Variants in DCAF5 observed in about 807,000 individuals in gnomAD.
DCAF5 encodes the protein DDB1 and CUL4 associated factor 5.
In DCAF5, 9 loss-of-function variants were observed where a neutral mutation model predicts 80.7. That is an observed-to-expected ratio of 0.11 (90% confidence interval 0.07 to 0.19). The LOEUF is 0.19. Ranked by LOEUF, DCAF5 falls within the 10% of genes least tolerant of loss-of-function variation. DCAF5 has a pLI of 1.00. For synonymous variants in DCAF5, 433 were observed against 461.9 expected (o/e 0.94, Z 0.80); for missense variants, 842 against 1,205.7 (o/e 0.70, Z 4.47).
intron 7 of DCAF5, among the ~76,000 whole-genome samples, chr14:69,073,574 G>A (rs2038784157): frequency 6.6e-6 from 1 of 151,874 alleles, no homozygotes; most frequent in African/African-American, 2.4e-5. Flanking sequence ...GATCACTTAA[G>A]CCCAGAGTTT....
chr14:69,070,867 G>A (rs1342160083), intron 7 of DCAF5, among the ~76,000 whole-genome samples: 4 of 151,004 alleles, frequency 2.6e-5, no homozygotes, highest in African/African-American at 7.3e-5. Flanking sequence ...GTGCAATCTC[G>A]GCTCAGTGCA....
At chr14:69,129,756 G>A (rs776755027) in intron 1 of DCAF5, among the ~76,000 whole-genome samples, 6 of 152,208 alleles carry the variant, frequency 3.9e-5, no homozygotes, top group African/African-American at 1.2e-4. Flanking sequence ...CTGGGGCACC[G>A]GAGGTGGAGC....
chr14:69,057,382 G>A (rs759064390), intron 8 of DCAF5, among the ~76,000 whole-genome samples: 5 of 151,554 alleles, frequency 3.3e-5, no homozygotes, highest in African/African-American at 4.8e-5. Context: ...GTAATTCTGA[G>A]CCAAATCTCT....
chr14:69,125,872 AC>A (rs1279453626), intron 1 of DCAF5, among the ~76,000 whole-genome samples: 3 of 152,110 alleles, frequency 2.0e-5, no homozygotes, highest in Non-Finnish European at 4.4e-5. Flanking sequence ...ACAAAACAAT[AC>A]TTTATATTGT....
Position 69,151,601 on chromosome 14 carries a change from C to G in DCAF5, c.214+1164G>C, listed in dbSNP as rs563358708. ...CGCCCAATCAGCCGTCTTCACCCCC[C>G]CTCCCCTGAGCCAGGTTTCGGGGAG... On this transcript the variant is annotated intron_variant, in intron 1 of 8. Coordinates refer to ENST00000341516, the MANE Select transcript of DCAF5 (RefSeq NM_003861.3). Among the ~76,000 whole-genome samples the G allele has an allele frequency of 8.5e-5, 13 of 152,284 alleles. No individual in the cohort carries two copies. In the East Asian group the frequency reaches 2.1e-3, roughly 25 times the overall value.
At chr14:69,065,986 C>T (rs765473186) in intron 7 of DCAF5, among the ~76,000 whole-genome samples, 1 of 152,108 alleles carries the variant, frequency 6.6e-6, no homozygotes, top group Non-Finnish European at 1.5e-5. Flanking sequence ...GACTGAATCG[C>T]TAATAATGGG....
intron 5 of DCAF5, among the ~76,000 whole-genome samples, chr14:69,104,302 AAAAC>A (rs1226518390): frequency 2.0e-5 from 3 of 152,204 alleles, no homozygotes; most frequent in African/African-American, 4.8e-5. Context: ...AAAGTATTTC[AAAAC>A]AAACAGAGAG....
At chr14:69,096,380 C>T (rs10129883) in intron 5 of DCAF5, among the ~76,000 whole-genome samples, 8,653 of 152,222 alleles carry the variant, frequency 0.057, 807 homozygotes, top group African/African-American at 0.2. Context: ...GATTCACTGC[C>T]ACATTTCTCT....
intron 1 of DCAF5, among the ~76,000 whole-genome samples, chr14:69,140,319 A>G (rs556284888): frequency 3.6e-4 from 55 of 152,258 alleles, no homozygotes; most frequent in African/African-American, 1.3e-3. Flanking sequence ...CTACAGCCAT[A>G]TACCTGAAAA....
At chr14:69,086,720 T>C (rs1386783071) in intron 6 of DCAF5, among the ~76,000 whole-genome samples, 1 of 151,994 alleles carries the variant, frequency 6.6e-6, no homozygotes, top group Non-Finnish European at 1.5e-5. Context: ...ACCCATATAG[T>C]GTCAACCCAG....
In DCAF5 at chr14:69,091,900, A is replaced by C. The variant is rs2039545042; in HGVS notation, c.666-13T>G. ...GCGCAGGAGAGAACTGGAAGGCACA[A>C]GGCACAGGAATCAGGCATGAGATAG... On this transcript the variant is annotated splice_polypyrimidine_tract_variant and intron_variant, in intron 5 of 8. Coordinates refer to ENST00000341516, the MANE Select transcript of DCAF5 (RefSeq NM_003861.3). 1.2e-6 allele frequency: 2 copies of C among 1,601,618 alleles called. No homozygotes were observed. The highest frequency in any genetic ancestry group is 1.7e-6 in the Non-Finnish European group (2 of 1,172,614).
At chr14:69,057,109 T>C (rs1390365680) in intron 8 of DCAF5, among the ~76,000 whole-genome samples, 3 of 152,216 alleles carry the variant, frequency 2.0e-5, no homozygotes, top group African/African-American at 4.8e-5. Context: ...ATCAGGACCA[T>C]GCATTTTTAA....
At chr14:69,075,479 A>C in intron 6 of DCAF5, 68 bp from the exon 7 acceptor site, 1 of 1,001,782 alleles carries the variant, frequency 1.0e-6, no homozygotes, top group Non-Finnish European at 1.3e-6. Flanking sequence ...ATATGTAACA[A>C]TAAACATATT....
At chr14:69,138,359 C>T (rs571110224) in intron 1 of DCAF5, among the ~76,000 whole-genome samples, 3 of 152,288 alleles carry the variant, frequency 2.0e-5, no homozygotes, top group African/African-American at 7.2e-5. Flanking sequence ...GGAAGTATAG[C>T]TCAGCAGGCT....
chr14:69,118,343 ACTTT>A lies in DCAF5; in HGVS notation c.396-69_396-66del. On this transcript the variant is annotated intron_variant, in intron 3 of 8. Transcript: ENST00000341516. This position sits in a 1 kb window ranked among gnomAD's most constrained non-coding sequence, Gnocchi z 4.0. ...CACAAGCATAGTGCAGAGTCCCAGC[ACTTT>A]GGTACCGAGGGTGCCATCTTTTCCA... The A allele has an allele frequency of 3.3e-6, 5 of 1,495,876 alleles. No homozygotes were observed. In the South Asian group the frequency reaches 7.0e-5, roughly 21 times the overall value. 92.7% of individuals were successfully genotyped at this position (1,495,876 alleles called of 1,614,324 possible).
At position 69,119,282 on chromosome 14, in the gene DCAF5, C is replaced by T. The variant is rs768709606; in HGVS notation, c.359-52G>A. On this transcript the variant is annotated intron_variant, in intron 2 of 8. Transcript: ENST00000341516. ...ATCATTCGTGCAAGGTGGTCCCTGT[C>T]CACATTACAATTTAGTATTTTTAAG... The T allele has an allele frequency of 1.9e-6, 3 of 1,580,114 alleles. No homozygotes were observed. In the African/African-American group the frequency reaches 4.1e-5, roughly 22 times the overall value.
intron 5 of DCAF5, among the ~76,000 whole-genome samples, chr14:69,098,893 C>CAAAAAAA (rs57089112): frequency 5.0e-5 from 3 of 59,576 alleles, no homozygotes; most frequent in African/African-American, 6.9e-5. Context: ...ACTCTGTCTC[C>CAAAAAAA]AAAAAAAAAA....
intron 5 of DCAF5, among the ~76,000 whole-genome samples, chr14:69,098,727 C>CAAAAAAAAAAA (rs35501979): frequency 3.2e-5 from 3 of 92,480 alleles, no homozygotes; most frequent in South Asian, 3.9e-4. Context: ...ACTAAAAATA[C>CAAAAAAAAAAA]AAAAAAAAAA....
At chr14:69,073,600 C>A (rs1434273682) in intron 7 of DCAF5, among the ~76,000 whole-genome samples, 3 of 151,908 alleles carry the variant, frequency 2.0e-5, no homozygotes, top group Admixed American at 6.6e-5. Context: ...TACAGTGAAC[C>A]AAAGTCATGC....
Sources: allele counts gnomAD v4.1 joint callset (sites outside exome capture counted in the v4.1 genomes callset), GRCh38; gene constraint gnomAD v4.1.1; non-coding constraint Gnocchi (gnomAD v3.1); transcripts MANE v1.5; gene names NCBI Gene and HGNC (gene_info 2026-07-23, HGNC 2026-07-21).